The following CLVS1 variants were observed in gnomAD, a reference collection of about 807,000 sequenced individuals.
The protein encoded by CLVS1 is clavesin 1.
A neutral mutation model predicts 33.1 loss-of-function variants in CLVS1; 10 were observed. That is an observed-to-expected ratio of 0.30 (90% CI 0.19 to 0.51). CLVS1 has a LOEUF of 0.51. Ranked by LOEUF, CLVS1 falls within the 20% of genes least tolerant of loss-of-function variation. CLVS1 has a pLI of 0.97. For synonymous variants in CLVS1, 163 were observed against 166.1 expected (o/e 0.98, Z 0.14); for missense variants, 343 against 433.4 (o/e 0.79, Z 1.85).
chr8:61,099,241 G>C (rs1805406087), intron 1 of CLVS1, among the ~76,000 whole-genome samples: 1 of 152,132 alleles, frequency 6.6e-6, no homozygotes, highest in Non-Finnish European at 1.5e-5. Flanking sequence ...GAGGGGCAGT[G>C]GTGTGATCTG....
chr8:61,145,503 T>G (rs538912472), intron 2 of CLVS1, among the ~76,000 whole-genome samples: 1 of 152,350 alleles, frequency 6.6e-6, no homozygotes, highest in South Asian at 2.1e-4. Context: ...AGCTGATAGC[T>G]TTGAAGATGA....
At chr8:61,065,718 G>T (rs1215563397) in intron 1 of CLVS1, among the ~76,000 whole-genome samples, 3 of 152,198 alleles carry the variant, frequency 2.0e-5, no homozygotes, top group Non-Finnish European at 2.9e-5. Flanking sequence ...AGAAAGCTAA[G>T]TAAGGGTATA....
intron 2 of CLVS1, among the ~76,000 whole-genome samples, chr8:61,197,344 A>G (rs1402148307): frequency 6.6e-6 from 1 of 151,802 alleles, no homozygotes; most frequent in Non-Finnish European, 1.5e-5. Context: ...AGACATATGG[A>G]TTTGTTTCTG....
At chr8:61,259,146 T>A (rs1809146675) in intron 2 of CLVS1, among the ~76,000 whole-genome samples, 1 of 152,200 alleles carries the variant, frequency 6.6e-6, no homozygotes, top group African/African-American at 2.4e-5. Context: ...AGGCATATCA[T>A]TAGCAAGTAA....
chr8:61,080,275 C>T (rs901363688), intron 1 of CLVS1, among the ~76,000 whole-genome samples: 4 of 152,110 alleles, frequency 2.6e-5, no homozygotes, highest in South Asian at 2.1e-4. Context: ...CCAGTAGCTC[C>T]CCTGGTTATG....
chr8:61,237,826 C>T (rs1021418888), intron 2 of CLVS1, among the ~76,000 whole-genome samples: 8 of 151,722 alleles, frequency 5.3e-5, no homozygotes, highest in Admixed American at 1.3e-4. Context: ...TCCAAATCCA[C>T]GGGGGTTCAG....
At chr8:61,292,873 C>T (rs1810046776) in intron 1 of CLVS1, among the ~76,000 whole-genome samples, 2 of 152,124 alleles carry the variant, frequency 1.3e-5, no homozygotes, top group Admixed American at 1.3e-4. Context: ...TTATTTGCCC[C>T]AAAGAAAACT....
chr8:61,342,281 C>T (rs888624198), intron 2 of CLVS1, among the ~76,000 whole-genome samples: 1 of 152,108 alleles, frequency 6.6e-6, no homozygotes, highest in Admixed American at 6.5e-5. Context: ...CATCATTGGC[C>T]TGGTGGGAGG....
chr8:61,017,281 C>T, the CLVS1 span, among the ~76,000 whole-genome samples: 5 of 152,282 alleles, frequency 3.3e-5, no homozygotes, highest in African/African-American at 1.2e-4. Flanking sequence ...AAATTAAATC[C>T]ATGTGTCTCT....
intron 2 of CLVS1, among the ~76,000 whole-genome samples, chr8:61,304,898 G>C (rs1810567974): frequency 6.6e-6 from 1 of 152,176 alleles, no homozygotes; most frequent in Non-Finnish European, 1.5e-5. Flanking sequence ...GGCATATGGG[G>C]CTGTTGCAAG....
chr8:61,073,713 TA>T (rs1464670860), intron 1 of CLVS1, among the ~76,000 whole-genome samples: 1 of 152,054 alleles, frequency 6.6e-6, no homozygotes, highest in Admixed American at 6.6e-5. Context: ...AGTACTGTTA[TA>T]AAAAATTATA....
intron 2 of CLVS1, among the ~76,000 whole-genome samples, chr8:61,317,653 C>G (rs1027315149): frequency 2.6e-5 from 4 of 152,268 alleles, no homozygotes; most frequent in African/African-American, 9.6e-5. Flanking sequence ...CTTCACTTCT[C>G]CACTTTCTCT....
Position 61,364,059 on chromosome 8 carries a change from A to T in CLVS1, c.456-12546A>T, listed in dbSNP as rs1371742. On this transcript the variant is annotated intron_variant, in intron 2 of 5. Transcript: ENST00000325897. Reference sequence around the variant, plus strand: ...AAAGGGGACTTTTCTGCCCAAGTTAATCACATACTCACTTCTAGAAGAAGT... The same window carrying T: ...AAAGGGGACTTTTCTGCCCAAGTTATTCACATACTCACTTCTAGAAGAAGT... 9.9e-3 allele frequency among the ~76,000 whole-genome samples: 1,515 copies of T among 152,354 alleles called. 22 individuals carry two copies. Among genetic ancestry groups the T allele is most frequent in the African/African-American group, 0.035 (1,460 of 41,586 alleles).
intron 5 of CLVS1, among the ~76,000 whole-genome samples, chr8:61,467,438 G>C (rs1214463035): frequency 2.0e-5 from 3 of 152,156 alleles, no homozygotes; most frequent in African/African-American, 7.2e-5. Flanking sequence ...AAAATAAAAG[G>C]GGGGACTCTG....
chr8:60,974,943 A>T, the CLVS1 span, among the ~76,000 whole-genome samples: 1 of 152,176 alleles, frequency 6.6e-6, no homozygotes, highest in Non-Finnish European at 1.5e-5. Flanking sequence ...GCTGATGTCC[A>T]GGGCACACCC....
chr8:61,341,792 G>T (rs1812038804), intron 2 of CLVS1, among the ~76,000 whole-genome samples: 1 of 152,186 alleles, frequency 6.6e-6, no homozygotes, highest in Non-Finnish European at 1.5e-5. Context: ...AGAGCCACTG[G>T]AATCTAACTG....
chr8:61,385,912 C>T (rs1399615345), intron 3 of CLVS1, among the ~76,000 whole-genome samples: 1 of 152,116 alleles, frequency 6.6e-6, no homozygotes, highest in South Asian at 2.1e-4. Flanking sequence ...CCAAAAGATG[C>T]CAGGCAATGA....
intron 5 of CLVS1, among the ~76,000 whole-genome samples, chr8:61,495,061 T>G (rs1436676097): frequency 6.6e-6 from 1 of 152,216 alleles, no homozygotes; most frequent in Non-Finnish European, 1.5e-5. Flanking sequence ...GCCTGCATTC[T>G]GGGTCTGTGC....
chr8:61,085,900 T>A (rs7837161), intron 1 of CLVS1, among the ~76,000 whole-genome samples: 1 of 151,198 alleles, frequency 6.6e-6, no homozygotes, highest in East Asian at 1.9e-4. Flanking sequence ...GGCGGGCGCG[T>A]TGGCGGGCGC....
Sources: gnomAD v4.1 joint callset for allele counts (sites outside exome capture counted in the v4.1 genomes callset) on GRCh38, gnomAD v4.1.1 for gene constraint, MANE v1.5 for transcripts, NCBI Gene and HGNC (gene_info 2026-07-23, HGNC 2026-07-21) for gene names.